SPACA7: variants seen among roughly 807,000 people sequenced by gnomAD.
SPACA7 encodes the protein sperm acrosome-associated protein 7.
In SPACA7, 19 loss-of-function variants were observed where a neutral mutation model predicts 26.3. That is an observed-to-expected ratio of 0.72 (90% CI 0.50 to 1.06). SPACA7 has a LOEUF of 1.06. Ranked by LOEUF, SPACA7 falls within the 50% of genes least tolerant of loss-of-function variation. The probability of loss-of-function intolerance (pLI) is 0.00; values close to 1 mark genes in which losing one functional copy is unlikely to be tolerated. For synonymous variants in SPACA7, 84 were observed against 84.5 expected (o/e 0.99, Z 0.04); for missense variants, 211 against 229.9 (o/e 0.92, Z 0.53).
At chr13:112,405,962 G>T (rs1365228415) in intron 5 of SPACA7, among the ~76,000 whole-genome samples, 1 of 152,048 alleles carries the variant, frequency 6.6e-6, no homozygotes, top group African/African-American at 2.4e-5. Context: ...CTGCCATAAG[G>T]ACCACTATCT....
chr13:112,390,771 C>T (rs1197834942), intron 1 of SPACA7, among the ~76,000 whole-genome samples: 5 of 152,228 alleles, frequency 3.3e-5, no homozygotes, highest in Admixed American at 6.5e-5. Flanking sequence ...CGCCAGCCCC[C>T]GTGATTCAGT....
At chr13:112,433,114 C>T (rs1483461922) in intron 6 of SPACA7, among the ~76,000 whole-genome samples, 116 of 151,456 alleles carry the variant, frequency 7.7e-4, no homozygotes, top group African/African-American at 2.2e-3. Flanking sequence ...CTTGTCCTCC[C>T]GGTATCCCTG....
chr13:112,411,634 C>G (rs993079688), intron 5 of SPACA7, among the ~76,000 whole-genome samples: 14 of 152,110 alleles, frequency 9.2e-5, no homozygotes, highest in Admixed American at 9.2e-4. Context: ...CACCATTGCA[C>G]TCTCTACCTC....
Position 112,401,093 on chromosome 13 carries a change from A to T in SPACA7, c.374A>T (p.His125Leu). The change falls in exon 5 of 7, where the codon CAT becomes CTT. Residue 125 changes from histidine (H) to leucine (L), a missense_variant. His to Leu is a moderately conservative substitution (Grantham distance 99). Transcript: ENST00000283550. ...GAAGCCAATGCTAATGCAAATCTCC[A>T]TGGCGATCCTTCTGAGAATTATCGT... ...NDEANANANL[H>L]GDPSENYRGP... is the part of the protein sequence containing the mutation. The T allele has an allele frequency of 6.2e-7, 1 of 1,614,118 alleles. No individual in the cohort carries two copies.
chr13:112,388,456 T>C (rs1324341732), intron 1 of SPACA7, among the ~76,000 whole-genome samples: 1 of 152,096 alleles, frequency 6.6e-6, no homozygotes, highest in Admixed American at 6.5e-5. Context: ...ATTAAATCCA[T>C]GCAAATTGGG....
At chr13:112,416,643 A>G (rs1886709911) in intron 5 of SPACA7, among the ~76,000 whole-genome samples, 1 of 152,164 alleles carries the variant, frequency 6.6e-6, no homozygotes, top group African/African-American at 2.4e-5. Context: ...CCTAATTTCA[A>G]TTAGGCATCA....
At chr13:112,406,955 A>G (rs1409420573) in intron 5 of SPACA7, among the ~76,000 whole-genome samples, 1 of 152,184 alleles carries the variant, frequency 6.6e-6, no homozygotes. Flanking sequence ...AAAATTGACC[A>G]CATAGTTGGA....
Position 112,406,334 on chromosome 13 carries a change from G to A in SPACA7, c.445+5170G>A, listed in dbSNP as rs563719641. ...GACTAGTCAGGTGCCTCATATAAGT[G>A]GAATCACACGGTATTTGTCCTTCTG... On this transcript the variant is annotated intron_variant, in intron 5 of 6. Coordinates refer to ENST00000283550, the MANE Select transcript of SPACA7 (RefSeq NM_145248.5). 4.6e-5 allele frequency among the ~76,000 whole-genome samples: 7 copies of A among 152,180 alleles called. No individual in the cohort carries two copies. The East Asian group carries it at 1.2e-3, about 25-fold the overall frequency.
chr13:112,390,944 T>C (rs991157552), intron 1 of SPACA7, among the ~76,000 whole-genome samples: 4 of 152,196 alleles, frequency 2.6e-5, no homozygotes, highest in African/African-American at 7.2e-5. Flanking sequence ...AGAGCCTCCA[T>C]GGCCAGTGGT....
At chr13:112,414,325 ATTGTT>A (rs1886539663) in intron 5 of SPACA7, among the ~76,000 whole-genome samples, 1 of 113,256 alleles carries the variant, frequency 8.8e-6, no homozygotes, top group African/African-American at 3.3e-5. Flanking sequence ...TATTGTTATT[ATTGTT>A]ATTATTTCAA....
intron 4 of SPACA7, among the ~76,000 whole-genome samples, chr13:112,399,828 AT>A (rs1243666783): frequency 1.3e-5 from 2 of 152,212 alleles, no homozygotes; most frequent in Admixed American, 1.3e-4. Context: ...TGCATGAGGC[AT>A]GGCTGGGAGC....
In SPACA7 at chr13:112,432,502, A is replaced by T. The variant is rs774779146; in HGVS notation, c.504A>T (p.Gln168His). ...ENLSILDQIL[Q>H]NIGRSSGNIF... Reference sequence around the variant, plus strand: ...TATCCATTCTGGACCAAATCCTTCAAAATATTGGAAGATCTTCAGGTAGAT... The same window carrying T: ...TATCCATTCTGGACCAAATCCTTCATAATATTGGAAGATCTTCAGGTAGAT... The change falls in exon 6 of 7, where the codon CAA becomes CAT. Residue 168 changes from glutamine to histidine, a missense_variant. Physicochemically the swap from Gln to His is conservative, Grantham distance 24 (BLOSUM62 0). Coordinates refer to ENST00000283550, the MANE Select transcript of SPACA7 (RefSeq NM_145248.5). The T allele has an allele frequency of 1.9e-6, 3 of 1,607,990 alleles. No homozygotes were observed. Among genetic ancestry groups the T allele is most frequent in the Non-Finnish European group, 2.6e-6 (3 of 1,174,372 alleles).
At chr13:112,401,200 G>A (rs760630777) in intron 5 of SPACA7, 36 bp downstream of exon 5, 10 of 1,528,618 alleles carry the variant, frequency 6.5e-6, no homozygotes, top group Non-Finnish European at 9.1e-6. Context: ...AGCTCTGTGG[G>A]AGAGACGGAG....
intron 1 of SPACA7, among the ~76,000 whole-genome samples, chr13:112,376,873 A>T (rs370141072): frequency 6.6e-6 from 1 of 152,092 alleles, no homozygotes; most frequent in African/African-American, 2.4e-5. Context: ...ATGCCTTACC[A>T]CCTCATGTAA....
intron 1 of SPACA7, among the ~76,000 whole-genome samples, chr13:112,390,744 G>A (rs558472916): frequency 9.2e-5 from 14 of 152,304 alleles, no homozygotes; most frequent in Admixed American, 2.6e-4. Context: ...TCACTATCAC[G>A]AGAACAGCAA....
chr13:112,421,576 C>T (rs1875985188), intron 5 of SPACA7, among the ~76,000 whole-genome samples: 1 of 152,186 alleles, frequency 6.6e-6, no homozygotes, highest in South Asian at 2.1e-4. Context: ...AAATGTTTTA[C>T]ACCAGGGGTT....
At chr13:112,411,993 G>A (rs1358865083) in intron 5 of SPACA7, among the ~76,000 whole-genome samples, 2 of 152,052 alleles carry the variant, frequency 1.3e-5, no homozygotes, top group East Asian at 1.9e-4. Context: ...TCATATGGTA[G>A]TTCTGTTTTT....
intron 5 of SPACA7, among the ~76,000 whole-genome samples, chr13:112,411,850 G>A (rs1886372199): frequency 6.6e-6 from 1 of 152,132 alleles, no homozygotes; most frequent in African/African-American, 2.4e-5. Flanking sequence ...TCCACTGATG[G>A]ACACTTACGT....
At chr13:112,432,130 C>G (rs1877207762) in intron 5 of SPACA7, among the ~76,000 whole-genome samples, 1 of 152,218 alleles carries the variant, frequency 6.6e-6, no homozygotes, top group African/African-American at 2.4e-5. Flanking sequence ...CCTTAGGACA[C>G]AGAGTGGACA....
Sources: gnomAD v4.1 joint callset for allele counts (sites outside exome capture counted in the v4.1 genomes callset) on GRCh38, gnomAD v4.1.1 for gene constraint, MANE v1.5 for transcripts, NCBI Gene and HGNC (gene_info 2026-07-23, HGNC 2026-07-21) for gene names.